Variants in IGFBP7 observed in about 807,000 individuals in gnomAD.
IGFBP7 encodes insulin-like growth factor-binding protein 7.
IGFBP7 carries 31 observed loss-of-function variants against 29.4 expected under a neutral mutation model. The ratio of observed to expected loss-of-function variants is 1.05; its 90% CI spans 0.79 to 1.42. The LOEUF (loss-of-function observed/expected upper bound fraction) is 1.42, where lower values mean the gene tolerates loss of function less well. Among genes scored for constraint, IGFBP7 ranks in the 40% most tolerant of loss-of-function variants. The pLI is 0.00. For missense variants in IGFBP7, 393 were observed against 395.5 expected (o/e 0.99, Z 0.05); for synonymous variants, 172 against 174.9 (o/e 0.98, Z 0.13).
intron 1 of IGFBP7, among the ~76,000 whole-genome samples, chr4:57,091,092 T>C (rs1316964033): frequency 1.3e-5 from 2 of 152,190 alleles, no homozygotes; most frequent in African/African-American, 2.4e-5. Flanking sequence ...ACCTGGAATT[T>C]AAGTTGCTTT....
chr4:57,108,383 C>G (rs1222564040), intron 1 of IGFBP7, among the ~76,000 whole-genome samples: 1 of 152,194 alleles, frequency 6.6e-6, no homozygotes, highest in Non-Finnish European at 1.5e-5. Context: ...CCTCCTCTCC[C>G]TTTTCTACCT....
intron 1 of IGFBP7, among the ~76,000 whole-genome samples, chr4:57,068,623 G>GA (rs1325702562): frequency 1.3e-5 from 2 of 152,068 alleles, no homozygotes; most frequent in Non-Finnish European, 2.9e-5. Flanking sequence ...ATTTTCCACA[G>GA]AAAAAATAAA....
chr4:57,055,884 A>G (rs1724656755), intron 1 of IGFBP7, among the ~76,000 whole-genome samples: 1 of 151,976 alleles, frequency 6.6e-6, no homozygotes, highest in South Asian at 2.1e-4. Flanking sequence ...GCGGGCAAGG[A>G]GGAGGTTGAA....
chr4:57,037,683 G>A (rs1365884318), intron 2 of IGFBP7, among the ~76,000 whole-genome samples: 1 of 152,146 alleles, frequency 6.6e-6, no homozygotes, highest in Non-Finnish European at 1.5e-5. Flanking sequence ...ACTGTAGCTG[G>A]GATTGGGTAG....
rs143715335 is a variant in IGFBP7 at position 57,095,684 on chromosome 4, C to T, written c.475+14193G>A. On this transcript the variant is annotated intron_variant, in intron 1 of 4. Coordinates refer to ENST00000295666, the MANE Select transcript of IGFBP7 (RefSeq NM_001553.3). Reference sequence around the variant, plus strand: ...TTAGAGGGGAGATGATAAAATGGAACGGAACACTGCTGTCAGTCTCAGAGA... The same window carrying T: ...TTAGAGGGGAGATGATAAAATGGAATGGAACACTGCTGTCAGTCTCAGAGA... Among the ~76,000 whole-genome samples the T allele has an allele frequency of 3.0e-4, 45 of 152,206 alleles. No homozygotes were observed. The East Asian group carries it at 5.0e-3, about 17-fold the overall frequency.
chr4:57,086,229 G>A (rs1725494563), intron 1 of IGFBP7, among the ~76,000 whole-genome samples: 1 of 152,102 alleles, frequency 6.6e-6, no homozygotes, highest in Non-Finnish European at 1.5e-5. Context: ...GAACAGCATG[G>A]GAAAAACCTG....
chr4:57,079,461 C>G (rs1408693030), intron 1 of IGFBP7, among the ~76,000 whole-genome samples: 2 of 152,124 alleles, frequency 1.3e-5, no homozygotes, highest in East Asian at 3.9e-4. Context: ...ACACGGTCCT[C>G]CTTTGCAGAG....
intron 4 of IGFBP7, among the ~76,000 whole-genome samples, chr4:57,031,846 G>T (rs1159773860): frequency 6.6e-6 from 1 of 152,164 alleles, no homozygotes; most frequent in Non-Finnish European, 1.5e-5. Context: ...TTTGACACAT[G>T]GTGACGGTAA....
chr4:57,039,461 G>C (rs11573116), intron 2 of IGFBP7, among the ~76,000 whole-genome samples: 5 of 152,086 alleles, frequency 3.3e-5, no homozygotes, highest in Non-Finnish European at 7.3e-5. Flanking sequence ...TCTCACGACA[G>C]GGGGGATGGG....
intron 2 of IGFBP7, among the ~76,000 whole-genome samples, chr4:57,040,396 C>T (rs1340071532): frequency 6.6e-6 from 1 of 152,188 alleles, no homozygotes; most frequent in African/African-American, 2.4e-5. Context: ...GATGCCATCA[C>T]AAACAGCTTG....
chr4:57,098,393 G>A (rs1252213735), intron 1 of IGFBP7, among the ~76,000 whole-genome samples: 1 of 152,216 alleles, frequency 6.6e-6, no homozygotes, highest in African/African-American at 2.4e-5. Flanking sequence ...CCTCAGATGA[G>A]AGGACATGGA....
At chr4:57,037,318 C>T (rs952685124) in intron 2 of IGFBP7, among the ~76,000 whole-genome samples, 1 of 151,954 alleles carries the variant, frequency 6.6e-6, no homozygotes, top group Non-Finnish European at 1.5e-5. Flanking sequence ...TTGTTTCTCT[C>T]CTACTTCCTC....
At chr4:57,107,652 C>G (rs7684129) in intron 1 of IGFBP7, among the ~76,000 whole-genome samples, 51,436 of 152,046 alleles carry the variant, frequency 0.34, 8,854 homozygotes, top group Middle Eastern at 0.37. Context: ...TAGAACTCAT[C>G]TCTCTCAATT....
chr4:57,097,457 A>G (rs1337608966), intron 1 of IGFBP7, among the ~76,000 whole-genome samples: 1 of 152,214 alleles, frequency 6.6e-6, no homozygotes, highest in East Asian at 1.9e-4. Flanking sequence ...AGGTCTGAAC[A>G]TAGGTTTCAG....
At chr4:57,086,099 T>C (rs1283777771) in intron 1 of IGFBP7, among the ~76,000 whole-genome samples, 1 of 152,142 alleles carries the variant, frequency 6.6e-6, no homozygotes, top group Non-Finnish European at 1.5e-5. Flanking sequence ...CTCACAATCA[T>C]GGTGGAAGGC....
intron 1 of IGFBP7, among the ~76,000 whole-genome samples, chr4:57,089,716 C>A (rs923549636): frequency 6.6e-6 from 1 of 152,166 alleles, no homozygotes; most frequent in Non-Finnish European, 1.5e-5. Flanking sequence ...TGTCCACCAC[C>A]CCCTTCTCTG....
intron 2 of IGFBP7, among the ~76,000 whole-genome samples, chr4:57,040,105 G>A (rs142490159): frequency 1.3e-5 from 2 of 152,110 alleles, no homozygotes; most frequent in East Asian, 3.9e-4. Context: ...TTCTGGAGTG[G>A]TCTCCTCTGT....
chr4:57,074,353 G>A (rs770681399), intron 1 of IGFBP7, among the ~76,000 whole-genome samples: 1 of 152,132 alleles, frequency 6.6e-6, no homozygotes, highest in Non-Finnish European at 1.5e-5. Context: ...GAGCCACCTC[G>A]TCCGGCCTGA....
chr4:57,097,815 A>G (rs551759264), intron 1 of IGFBP7, among the ~76,000 whole-genome samples: 1 of 151,760 alleles, frequency 6.6e-6, no homozygotes, highest in African/African-American at 2.4e-5. Flanking sequence ...CTCCTTAACC[A>G]CTCTGCTTTA....
Sources: allele counts gnomAD v4.1 joint callset (sites outside exome capture counted in the v4.1 genomes callset), GRCh38; gene constraint gnomAD v4.1.1; transcripts MANE v1.5; gene names NCBI Gene and HGNC (gene_info 2026-07-23, HGNC 2026-07-21).